The following SLC35F3 variants were observed in gnomAD, a reference collection of about 807,000 sequenced individuals.
SLC35F3 encodes the protein solute carrier family 35 member F3.
SLC35F3 carries 25 observed loss-of-function variants against 49.9 expected under a neutral mutation model. The observed-to-expected ratio is 0.50, with a 90% CI of 0.37 to 0.70. The LOEUF is 0.70. SLC35F3 is among the 30% of genes least tolerant of loss of function. The probability of loss-of-function intolerance (pLI) is 0.00; values close to 1 mark genes in which losing one functional copy is unlikely to be tolerated. For missense variants in SLC35F3, 525 were observed against 639.8 expected, an observed-to-expected ratio of 0.82 and a Z score of 1.94; for synonymous variants, 275 against 265.4, an observed-to-expected ratio of 1.04 and a Z score of -0.35.
At chr1:234,268,145 T>G (rs904866324) in intron 3 of SLC35F3, among the ~76,000 whole-genome samples, 1 of 152,060 alleles carries the variant, frequency 6.6e-6, no homozygotes, top group Non-Finnish European at 1.5e-5. Context: ...ATCACGCCAC[T>G]GCACTCCAGC....
intron 4 of SLC35F3, among the ~76,000 whole-genome samples, chr1:234,311,504 C>T (rs886871398): frequency 2.6e-5 from 4 of 152,194 alleles, no homozygotes; most frequent in Non-Finnish European, 4.4e-5. Context: ...AAGGCACAGC[C>T]TTATGTTTGT....
At chr1:233,994,287 G>A (rs1178716717) in intron 2 of SLC35F3, among the ~76,000 whole-genome samples, 1 of 152,160 alleles carries the variant, frequency 6.6e-6, no homozygotes, top group African/African-American at 2.4e-5. Flanking sequence ...TTTGAGATAG[G>A]TGCTCTTATT....
At chr1:234,184,346 T>C (rs930827610) in intron 2 of SLC35F3, among the ~76,000 whole-genome samples, 1 of 152,186 alleles carries the variant, frequency 6.6e-6, no homozygotes, top group Admixed American at 6.5e-5. Context: ...GTTTTCAGTA[T>C]TCAAACTATT....
chr1:234,228,609 C>T (rs1395823526), intron 2 of SLC35F3, among the ~76,000 whole-genome samples: 3 of 152,026 alleles, frequency 2.0e-5, no homozygotes, highest in African/African-American at 7.2e-5. Context: ...AAGTGCATGC[C>T]GTTCATTATA....
intron 2 of SLC35F3, among the ~76,000 whole-genome samples, chr1:234,083,839 C>CTT (rs35359755): frequency 0.015 from 2,103 of 138,132 alleles, 49 homozygotes; most frequent in African/African-American, 0.049. Flanking sequence ...TTGGTTTTGG[C>CTT]TTTTTTTTTT....
In SLC35F3 at chr1:234,231,176, T is replaced by G. The variant is rs1361934121; in HGVS notation, c.284-241T>G. On this transcript the variant is annotated intron_variant, in intron 2 of 7. Coordinates refer to ENST00000366618, the MANE Select transcript of SLC35F3 (RefSeq NM_173508.4). The surrounding 1 kb of genome is among the most constrained non-coding windows in gnomAD (Gnocchi z 5.4). ...TCCGGGGACGGACGGGGAAGGGTGC[T>G]GACGCTGCCCGGCCCAGGGACCACA... Among the ~76,000 whole-genome samples, 1 of 152,198 alleles carries G rather than the reference T, an allele frequency of 6.6e-6. No individual in the cohort carries two copies. Among genetic ancestry groups the G allele is most frequent in the Non-Finnish European group, 1.5e-5 (1 of 68,032 alleles).
At chr1:234,188,625 G>GA (rs1194354993) in intron 2 of SLC35F3, among the ~76,000 whole-genome samples, 3 of 152,122 alleles carry the variant, frequency 2.0e-5, no homozygotes, top group Non-Finnish European at 4.4e-5. Context: ...CCTGGTAGCT[G>GA]AAAACAAAGG....
chr1:233,908,025 C>T (rs1283055622), intron 2 of SLC35F3, among the ~76,000 whole-genome samples: 3 of 152,152 alleles, frequency 2.0e-5, no homozygotes, highest in African/African-American at 7.2e-5. Flanking sequence ...CACGCCCGGC[C>T]CAGAAGAGGT....
At chr1:234,172,393 A>T (rs1572080358) in intron 2 of SLC35F3, among the ~76,000 whole-genome samples, 1 of 152,210 alleles carries the variant, frequency 6.6e-6, no homozygotes, top group East Asian at 1.9e-4. Context: ...CGCCCAGCTA[A>T]TATTTGTATT....
intron 2 of SLC35F3, among the ~76,000 whole-genome samples, chr1:233,914,715 A>G (rs559146647): frequency 1.3e-5 from 2 of 152,322 alleles, no homozygotes; most frequent in South Asian, 2.1e-4. Context: ...CTTGAGCTGG[A>G]TGAAGTACTT....
intron 2 of SLC35F3, among the ~76,000 whole-genome samples, chr1:234,174,335 G>C (rs150983313): frequency 6.6e-6 from 1 of 152,330 alleles, no homozygotes; most frequent in African/African-American, 2.4e-5. Flanking sequence ...CCTTCCATCT[G>C]TTAGTTCACT....
At chr1:234,114,450 T>C (rs1026626031) in intron 2 of SLC35F3, among the ~76,000 whole-genome samples, 4 of 152,212 alleles carry the variant, frequency 2.6e-5, no homozygotes, top group African/African-American at 4.8e-5. Flanking sequence ...AACTGACATA[T>C]TTATGAAAGG....
intron 2 of SLC35F3, among the ~76,000 whole-genome samples, chr1:234,069,291 T>G (rs1235002574): frequency 6.9e-6 from 1 of 145,938 alleles, no homozygotes; most frequent in African/African-American, 2.5e-5. Flanking sequence ...GGAGTCTTGC[T>G]CTGTCACCCA....
chr1:234,115,570 C>A (rs1201829687), intron 2 of SLC35F3, among the ~76,000 whole-genome samples: 3 of 152,188 alleles, frequency 2.0e-5, no homozygotes, highest in East Asian at 3.8e-4. Context: ...ACTATCCCCA[C>A]TTAACATGTT....
At chr1:233,962,028 G>GTTCATTCA (rs71574890) in intron 2 of SLC35F3, among the ~76,000 whole-genome samples, 54 of 151,220 alleles carry the variant, frequency 3.6e-4, no homozygotes, top group Non-Finnish European at 6.6e-4. Flanking sequence ...TCATTCATTT[G>GTTCATTCA]TTCATTCATT....
chr1:234,194,712 A>C (rs1437868482), intron 2 of SLC35F3, among the ~76,000 whole-genome samples: 1 of 152,192 alleles, frequency 6.6e-6, no homozygotes, highest in Admixed American at 6.5e-5. Context: ...TGTCAACATG[A>C]GAGACCCTCT....
At chr1:233,920,023 G>GTGTT (rs1213757661) in intron 2 of SLC35F3, among the ~76,000 whole-genome samples, 2 of 152,012 alleles carry the variant, frequency 1.3e-5, no homozygotes, top group African/African-American at 2.4e-5. Context: ...CTCTAGGAGG[G>GTGTT]TGTTGTTAAT....
At chr1:234,088,312 A>G (rs1331863255) in intron 2 of SLC35F3, among the ~76,000 whole-genome samples, 1 of 152,168 alleles carries the variant, frequency 6.6e-6, no homozygotes, top group Non-Finnish European at 1.5e-5. Flanking sequence ...GGTTCAAGCA[A>G]TTCTCCTGCC....
intron 2 of SLC35F3, among the ~76,000 whole-genome samples, chr1:234,031,876 C>G (rs950509662): frequency 6.6e-6 from 1 of 152,198 alleles, no homozygotes; most frequent in Admixed American, 6.5e-5. Context: ...ACTGTCTAGA[C>G]ACAGCCTGGA....
Sources: gnomAD v4.1 joint callset for allele counts (sites outside exome capture counted in the v4.1 genomes callset) on GRCh38, gnomAD v4.1.1 for gene constraint, Gnocchi (gnomAD v3.1) non-coding constraint, MANE v1.5 for transcripts, NCBI Gene and HGNC (gene_info 2026-07-23, HGNC 2026-07-21) for gene names.